The following SRGAP2B variants were observed in gnomAD, a reference collection of about 807,000 sequenced individuals.
SRGAP2B encodes the protein SLIT-ROBO Rho GTPase-activating protein 2B.
A neutral mutation model predicts 22.2 loss-of-function variants in SRGAP2B; 9 were observed. The observed-to-expected ratio is 0.41, with a 90% CI of 0.24 to 0.71. SRGAP2B has a LOEUF of 0.71. Among genes scored for constraint, SRGAP2B ranks in the 30% least tolerant of loss-of-function variants. SRGAP2B has a pLI of 0.35. For synonymous variants in SRGAP2B, 36 were observed against 87.4 expected (o/e 0.41, Z 3.28); for missense variants, 114 against 235.8 (o/e 0.48, Z 3.38).
At chr1:144,986,888 T>C in intron 3 of SRGAP2B, among the ~76,000 whole-genome samples, 1 of 151,230 alleles carries the variant, frequency 6.6e-6, no homozygotes, top group Non-Finnish European at 1.5e-5. Context: ...GCAAAACAGA[T>C]AAGTTATCCA....
At chr1:145,041,487 CAAAAAAA>C (rs4058416) in intron 2 of SRGAP2B, among the ~76,000 whole-genome samples, 1 of 57,450 alleles carries the variant, frequency 1.7e-5, no homozygotes. Context: ...GACCCCATCT[CAAAAAAA>C]AAAAAAAAAA....
exon 10 of SRGAP2B, chr1:144,891,247 T>G (rs1662103253): frequency 3.7e-4 from 1 of 2,718 alleles, no homozygotes; most frequent in South Asian, 4.3e-3. Context: ...AGCAAATCAT[T>G]AGTGTTCTTA....
intron 2 of SRGAP2B, among the ~76,000 whole-genome samples, chr1:145,080,891 CT>C (rs1652868639): frequency 6.7e-6 from 1 of 149,520 alleles, no homozygotes; most frequent in Non-Finnish European, 1.5e-5. Flanking sequence ...ATAATGAACC[CT>C]GAAAGCTGGA....
intron 6 of SRGAP2B, 140 bp downstream of exon 6, chr1:144,905,719 G>A: frequency 1.5e-6 from 1 of 661,470 alleles, no homozygotes. Flanking sequence ...ACAGAGCAAG[G>A]CCTCATTTTC....
intron 4 of SRGAP2B, among the ~76,000 whole-genome samples, chr1:144,952,200 T>C (rs1438242396): frequency 7.3e-6 from 1 of 136,308 alleles, no homozygotes; most frequent in Admixed American, 7.4e-5. Context: ...AAAGAAGTCA[T>C]TGTCCAAGGT....
At chr1:145,061,510 G>T (rs1222125411) in intron 2 of SRGAP2B, among the ~76,000 whole-genome samples, 1 of 143,874 alleles carries the variant, frequency 7.0e-6, no homozygotes, top group Non-Finnish European at 1.5e-5. Context: ...AAAGTCAACT[G>T]AACTCTACTT....
At chr1:144,923,341 G>A (rs1424880661) in intron 4 of SRGAP2B, among the ~76,000 whole-genome samples, 1 of 150,588 alleles carries the variant, frequency 6.6e-6, no homozygotes, top group Non-Finnish European at 1.5e-5. Context: ...GGCTGGGGGC[G>A]TAATGTCTTC....
At chr1:145,082,217 C>A (rs1319225341) in intron 2 of SRGAP2B, among the ~76,000 whole-genome samples, 1 of 146,660 alleles carries the variant, frequency 6.8e-6, no homozygotes, top group Non-Finnish European at 1.5e-5. Context: ...TCATTCACAA[C>A]GTATAAATAA....
intron 4 of SRGAP2B, among the ~76,000 whole-genome samples, chr1:144,931,375 T>G (rs1412008845): frequency 6.7e-6 from 1 of 150,300 alleles, no homozygotes; most frequent in Admixed American, 6.6e-5. Flanking sequence ...CTCCTAATCT[T>G]ATACAATGCC....
chr1:144,976,046 TTTTTTTGTA>T (rs1372673491), intron 3 of SRGAP2B, among the ~76,000 whole-genome samples: 1 of 148,866 alleles, frequency 6.7e-6, no homozygotes, highest in Non-Finnish European at 1.5e-5. Context: ...GCTAATTTTT[TTTTTTTGTA>T]TTTTTTAGAA....
At chr1:144,944,762 A>T (rs1553608142) in intron 4 of SRGAP2B, among the ~76,000 whole-genome samples, 1 of 140,624 alleles carries the variant, frequency 7.1e-6, no homozygotes, top group Admixed American at 7.1e-5. Context: ...CCCAGGCTGG[A>T]GTGCAGTGGC....
At chr1:145,022,732 C>T (rs2102287298) in intron 2 of SRGAP2B, among the ~76,000 whole-genome samples, 1 of 150,544 alleles carries the variant, frequency 6.6e-6, no homozygotes, top group East Asian at 1.9e-4. Context: ...ATTGCACTTG[C>T]TGCTGCCTTG....
chr1:145,080,855 G>T (rs587621620), intron 2 of SRGAP2B, among the ~76,000 whole-genome samples: 2 of 149,496 alleles, frequency 1.3e-5, no homozygotes, highest in Admixed American at 6.6e-5. Context: ...CAGCCAGGCC[G>T]ATCTTCAACG....
At chr1:145,009,550 T>C (rs1174345789) in intron 2 of SRGAP2B, among the ~76,000 whole-genome samples, 1 of 144,662 alleles carries the variant, frequency 6.9e-6, no homozygotes, top group Non-Finnish European at 1.5e-5. Context: ...ATCCCGCCAC[T>C]GCACTCCAGC....
At chr1:145,083,183 G>C (rs1287668634) in intron 2 of SRGAP2B, among the ~76,000 whole-genome samples, 2 of 144,766 alleles carry the variant, frequency 1.4e-5, no homozygotes, top group East Asian at 3.9e-4. Context: ...AGCAGGGAAG[G>C]CTTCCTGGAG....
At chr1:145,020,348 G>A (rs1672706066) in intron 2 of SRGAP2B, among the ~76,000 whole-genome samples, 1 of 127,644 alleles carries the variant, frequency 7.8e-6, no homozygotes, top group Non-Finnish European at 1.6e-5. Context: ...GATCCCTTGA[G>A]CCCAGGAGTT....
At chr1:144,906,118 GGT>G in intron 5 of SRGAP2B, 44 bp from the exon 6 acceptor site, 1 of 711,396 alleles carries the variant, frequency 1.4e-6, no homozygotes. Context: ...TCAAGCCAAG[GGT>G]GTCATTTCTC....
chr1:144,921,269 C>CAAAAAAAA (rs3975927), intron 4 of SRGAP2B, among the ~76,000 whole-genome samples: 1 of 62,306 alleles, frequency 1.6e-5, no homozygotes, highest in African/African-American at 6.8e-5. Flanking sequence ...TCTAGCTTGC[C>CAAAAAAAA]AAAAAAAAAA....
chr1:145,090,053 C>G lies in SRGAP2B; in HGVS notation c.67+2782G>C, dbSNP rs1446594404. 1.4e-5 allele frequency among the ~76,000 whole-genome samples: 2 copies of G among 146,576 alleles called. 1 individual carries two copies. The highest frequency in any genetic ancestry group is 5.5e-5 in the African/African-American group (2 of 36,468). On this transcript the variant is annotated intron_variant, in intron 2 of 9. Coordinates refer to ENST00000612199, the Ensembl canonical transcript of SRGAP2B. ...GACTCTAAAAATTGCACTTAACAAC[C>G]AAACCAAACTGCATAGCTGTTACAG...
Sources: allele counts gnomAD v4.1 joint callset (sites outside exome capture counted in the v4.1 genomes callset), GRCh38; gene constraint gnomAD v4.1.1; transcripts MANE v1.5; gene names NCBI Gene and HGNC (gene_info 2026-07-23, HGNC 2026-07-21).